PARP8: variants seen among roughly 807,000 people sequenced by gnomAD.
The protein encoded by PARP8 is poly(ADP-ribose) polymerase family member 8, also known as protein mono-ADP-ribosyltransferase PARP8.
PARP8 carries 51 observed loss-of-function variants against 124.1 expected under a neutral mutation model. That is an observed-to-expected ratio of 0.41 (90% CI 0.33 to 0.52). The LOEUF is 0.52. Among genes scored for constraint, PARP8 ranks in the 20% least tolerant of loss-of-function variants. PARP8 has a pLI of 0.21. For missense variants in PARP8, 860 were observed against 1,018.9 expected (o/e 0.84, Z 2.12); for synonymous variants, 391 against 361.5 (o/e 1.08, Z -0.93).
At chr5:50,753,745 A>G (rs1759511422) in intron 3 of PARP8, among the ~76,000 whole-genome samples, 1 of 152,054 alleles carries the variant, frequency 6.6e-6, no homozygotes, top group East Asian at 1.9e-4. Context: ...CATGAAATCA[A>G]TATAATTTTT....
chr5:50,794,351 C>T lies in PARP8; in HGVS notation c.863+19C>T, dbSNP rs754592544. 20 of 1,610,548 alleles carry T rather than the reference C, an allele frequency of 1.2e-5. No homozygotes were observed. Among genetic ancestry groups the T allele is most frequent in the Middle Eastern group, 1.6e-4 (1 of 6,066 alleles). On this transcript the variant is annotated intron_variant, in intron 11 of 25. Transcript: ENST00000281631. ...TGCGCAGGTTGGTAACAGGCAACTT[C>T]GTCATTGTCTTACTGAATGCTGAGT...
At chr5:50,814,960 AC>A (rs1744931321) in intron 14 of PARP8, among the ~76,000 whole-genome samples, 1 of 152,104 alleles carries the variant, frequency 6.6e-6, no homozygotes. Context: ...TAGCAAGTAA[AC>A]AGAATCATGC....
In PARP8 at chr5:50,843,180, A is replaced by AGAG. The variant is rs1293966477; in HGVS notation, c.*1113_*1115dup. On this transcript the variant is annotated 3_prime_UTR_variant, in exon 26 of 26. Transcript: ENST00000281631. ...ACCAGCTCTCAGCATTTCCTTTTCA[A>AGAG]GAGTCATAATTTCATCAAAATCATT... 6.6e-6 allele frequency: 1 copy of AGAG among 151,762 alleles called. No homozygotes were observed. Among genetic ancestry groups the AGAG allele is most frequent in the African/African-American group, 2.4e-5 (1 of 41,378 alleles). The allele number at this position is 151,762 out of a possible 1,614,324, so 9.4% of individuals were successfully genotyped here.
intron 25 of PARP8, 69 bp downstream of exon 25, chr5:50,835,084 T>C: frequency 7.5e-7 from 1 of 1,338,276 alleles, no homozygotes; most frequent in Non-Finnish European, 1.1e-6. Context: ...GACTGAATTA[T>C]CGTTTGGTCT....
rs950377789 is a variant in PARP8, at chr5:50,768,325, G to GA, written c.518+5093dup. ...CAGTGGCTCAAAGTCCATATTCATT[G>GA]AAAAAAAAAACTTTATACATATATG... On this transcript the variant is annotated intron_variant, in intron 7 of 25. Transcript: ENST00000281631. 6.1e-4 allele frequency among the ~76,000 whole-genome samples: 90 copies of GA among 146,874 alleles called. 1 individual carries two copies. Among genetic ancestry groups the GA allele is most frequent in the East Asian group, 1.8e-3 (9 of 5,068 alleles).
intron 1 of PARP8, chr5:50,667,565 C>T (rs1188175640): frequency 1.4e-6 from 1 of 698,110 alleles, no homozygotes. Context: ...TGAGCGGCGG[C>T]GGCCGGGAAT....
intron 2 of PARP8, among the ~76,000 whole-genome samples, chr5:50,712,595 C>CT: frequency 6.6e-6 from 1 of 152,248 alleles, no homozygotes; most frequent in East Asian, 1.9e-4. Context: ...TCAGTAAGCA[C>CT]TGAGGACCAG....
In PARP8 at chr5:50,668,079, T is replaced by C. The variant is rs1422533102; in HGVS notation, c.100T>C (p.Tyr34His). The change falls in exon 2 of 26, where the codon TAC (tyrosine) becomes CAC (histidine). Residue 34 changes from tyrosine to histidine, a missense_variant. Coordinates refer to ENST00000281631, the MANE Select transcript of PARP8 (RefSeq NM_024615.4). ...GGGACTTTCTGTTTCAGATTTCAGA[T>C]ACTCTGACTCCACCTTTACTTTTAC... ...EKDCLFADFR[Y>H]SDSTFTFTYV... 6.2e-7 allele frequency: 1 copy of C among 1,611,978 alleles called. No homozygotes were observed. Among genetic ancestry groups the C allele is most frequent in the African/African-American group, 1.3e-5 (1 of 74,870 alleles).
At chr5:50,832,669 C>G (rs759967997) in intron 22 of PARP8, 112 bp from the exon 23 acceptor site, 21 of 1,015,670 alleles carry the variant, frequency 2.1e-5, no homozygotes, top group Non-Finnish European at 2.9e-5. Flanking sequence ...TGTCTCTAGC[C>G]TAATGTGATC....
intron 2 of PARP8, among the ~76,000 whole-genome samples, chr5:50,707,861 A>G (rs1248894583): frequency 4.6e-5 from 7 of 152,072 alleles, no homozygotes; most frequent in Admixed American, 1.3e-4. Context: ...CACTTTATTG[A>G]CATAAGTTTT....
chr5:50,809,662 A>G (rs557729551), intron 14 of PARP8, among the ~76,000 whole-genome samples: 3 of 152,184 alleles, frequency 2.0e-5, no homozygotes, highest in Non-Finnish European at 2.9e-5. Context: ...TAGATAGGAA[A>G]AATGAGCTGT....
chr5:50,787,200 C>T (rs1480015614), intron 9 of PARP8, among the ~76,000 whole-genome samples: 3 of 152,124 alleles, frequency 2.0e-5, no homozygotes, highest in Non-Finnish European at 2.9e-5. Context: ...CCTCCACGGA[C>T]GAAGTTCTAT....
At chr5:50,841,641 T>G (rs115211148) in intron 25 of PARP8, among the ~76,000 whole-genome samples, 3,824 of 151,796 alleles carry the variant, frequency 0.025, 67 homozygotes, top group Middle Eastern at 0.037. Context: ...AGCTGTTATA[T>G]TTTTTTATAG....
intron 25 of PARP8, among the ~76,000 whole-genome samples, chr5:50,841,045 C>T (rs1479492580): frequency 1.3e-5 from 2 of 151,960 alleles, no homozygotes; most frequent in East Asian, 3.9e-4. Flanking sequence ...TGTATGTCAT[C>T]TTTTCATTTT....
At chr5:50,738,970 CT>C in intron 2 of PARP8, 1 of 702,336 alleles carries the variant, frequency 1.4e-6, no homozygotes, top group Non-Finnish European at 2.6e-6. Context: ...CCACATTTTT[CT>C]GTATCAAGCA....
intron 16 of PARP8, 34 bp from the exon 17 acceptor site, chr5:50,822,301 T>C: frequency 3.4e-6 from 5 of 1,466,842 alleles, no homozygotes; most frequent in South Asian, 1.1e-5. Flanking sequence ...TATAAGCAAA[T>C]GCTGTTTTTT....
rs558386673 is a variant in PARP8 at position 50,777,576 on chromosome 5, A to G, written c.519-493A>G. 2.6e-5 allele frequency among the ~76,000 whole-genome samples: 4 copies of G among 151,954 alleles called. No individual in the cohort carries two copies. In the South Asian group the frequency reaches 8.3e-4, roughly 32 times the overall value. ...TAATATCAGACTTTTAGAGCTGCCC[A>G]TCAAAACACTGACATTTAAGTGGCA... On this transcript the variant is annotated intron_variant, in intron 7 of 25. Coordinates refer to ENST00000281631, the MANE Select transcript of PARP8 (RefSeq NM_024615.4).
intron 21 of PARP8, among the ~76,000 whole-genome samples, chr5:50,829,410 T>A (rs977781005): frequency 6.6e-6 from 1 of 152,148 alleles, no homozygotes; most frequent in African/African-American, 2.4e-5. Flanking sequence ...ACAGAGATAA[T>A]AAGAAAGAAA....
chr5:50,842,674 T>C lies in PARP8; in HGVS notation c.*606T>C, dbSNP rs1477030336. ...ATGTGTGGTTGTGAATATATTTGTG[T>C]ATATTCACACGTATGTTTTGACAAG... On this transcript the variant is annotated 3_prime_UTR_variant, in exon 26 of 26. Transcript: ENST00000281631. 1 of 151,766 alleles carries C rather than the reference T, an allele frequency of 6.6e-6. No individual in the cohort carries two copies. The highest frequency in any genetic ancestry group is 1.5e-5 in the Non-Finnish European group (1 of 67,768). 9.4% of individuals were successfully genotyped at this position (151,766 alleles called of 1,614,324 possible).
Sources: gnomAD v4.1 joint callset for allele counts (sites outside exome capture counted in the v4.1 genomes callset) on GRCh38, gnomAD v4.1.1 for gene constraint, MANE v1.5 for transcripts, NCBI Gene and HGNC (gene_info 2026-07-23, HGNC 2026-07-21) for gene names.